DAPK2: variants seen among roughly 807,000 people sequenced by gnomAD.
DAPK2 encodes the protein death associated protein kinase 2.
A neutral mutation model predicts 44.1 loss-of-function variants in DAPK2; 35 were observed. That is an observed-to-expected ratio of 0.79 (90% CI 0.61 to 1.05). DAPK2 has a LOEUF of 1.05. Ranked by LOEUF, DAPK2 falls within the 50% of genes least tolerant of loss-of-function variation. The pLI, the probability that DAPK2 is intolerant of heterozygous loss-of-function variation, is 0.00. For missense variants in DAPK2, 453 were observed against 483.2 expected (o/e 0.94, Z 0.59); for synonymous variants, 174 against 182.6 (o/e 0.95, Z 0.38).
At chr15:64,007,684 C>CT (rs2079272401) in intron 1 of DAPK2, among the ~76,000 whole-genome samples, 1 of 152,186 alleles carries the variant, frequency 6.6e-6, no homozygotes, top group Non-Finnish European at 1.5e-5. Flanking sequence ...GAGAGTCCGA[C>CT]TTTTTTGGCA....
At chr15:63,922,704 T>C (rs1191101449) in intron 8 of DAPK2, 2 of 1,490,674 alleles carry the variant, frequency 1.3e-6, no homozygotes, top group Non-Finnish European at 1.8e-6. Context: ...TGCAAACCTC[T>C]TGGGATGCAT....
chr15:63,923,455 C>A lies in DAPK2; in HGVS notation c.858+1361G>T. 6.8e-7 allele frequency: 1 copy of A among 1,460,842 alleles called. No homozygotes were observed. The highest frequency in any genetic ancestry group is 9.0e-7 in the Non-Finnish European group (1 of 1,110,222). 90.5% of individuals were successfully genotyped at this position (1,460,842 alleles called of 1,614,324 possible). ...AGCGGCCTCTGGCATTCACTGCATG[C>A]GTCAGGCCATGGGGAGAACCAGGGT... On this transcript the variant is annotated intron_variant, in intron 8 of 10. Coordinates refer to ENST00000261891, the Ensembl canonical transcript of DAPK2. The surrounding 1 kb of genome is among the most constrained non-coding windows in gnomAD (Gnocchi z 4.2).
intron 8 of DAPK2, chr15:63,922,715 C>A: frequency 6.7e-7 from 1 of 1,501,182 alleles, no homozygotes; most frequent in Non-Finnish European, 8.9e-7. Context: ...TGGGATGCAT[C>A]ACTGACTGGA....
rs1222662969 is a variant in DAPK2 at position 64,020,581 on chromosome 15, C to G, written c.92+19589G>C. On this transcript the variant is annotated intron_variant, in intron 1 of 10. Coordinates refer to ENST00000261891, the Ensembl canonical transcript of DAPK2. The surrounding 1 kb of genome is among the most constrained non-coding windows in gnomAD (Gnocchi z 4.5). ...CAAAGCAGCACTACTTTGCCCATCT[C>G]CTCTGGGAAGGATTTATAGTTGACA... 6.6e-6 allele frequency among the ~76,000 whole-genome samples: 1 copy of G among 152,202 alleles called. No homozygotes were observed. The highest frequency in any genetic ancestry group is 1.5e-5 in the Non-Finnish European group (1 of 68,030).
At chr15:64,042,718 C>T (rs2080378353), upstream of DAPK2, among the ~76,000 whole-genome samples, 1 of 152,224 alleles carries the variant, frequency 6.6e-6, no homozygotes, top group Admixed American at 6.5e-5. This position sits in a 1 kb window ranked among gnomAD's most constrained non-coding sequence, Gnocchi z 4.7. Flanking sequence ...TATATTCCAG[C>T]CAAAGTTGAC....
chr15:64,017,602 A>G (rs74021233), intron 1 of DAPK2, among the ~76,000 whole-genome samples: 23,039 of 152,224 alleles, frequency 0.15, 1,911 homozygotes, highest in South Asian at 0.35. Flanking sequence ...TGACTCAACT[A>G]TGATGCTGCC....
intron 3 of DAPK2, among the ~76,000 whole-genome samples, chr15:63,956,070 C>T (rs1438813517): frequency 6.6e-6 from 1 of 152,162 alleles, no homozygotes; most frequent in East Asian, 1.9e-4. Flanking sequence ...GGTTGTCCAG[C>T]CTATTGGAAA....
intron 3 of DAPK2, among the ~76,000 whole-genome samples, chr15:63,947,139 T>A (rs1170039478): frequency 6.6e-6 from 1 of 152,092 alleles, no homozygotes; most frequent in Non-Finnish European, 1.5e-5. Flanking sequence ...ACCCTGCAGT[T>A]CACTCTGCTG....
At chr15:63,999,562 TA>T (rs920253426) in intron 1 of DAPK2, among the ~76,000 whole-genome samples, 10 of 152,206 alleles carry the variant, frequency 6.6e-5, no homozygotes, top group African/African-American at 2.4e-4. Context: ...GCTCCATCAG[TA>T]GGGGTCTTTT....
chr15:63,943,119 A>AC (rs983172626), intron 3 of DAPK2, among the ~76,000 whole-genome samples: 2 of 151,242 alleles, frequency 1.3e-5, no homozygotes, highest in Admixed American at 6.6e-5. Flanking sequence ...TTTGCAAAAA[A>AC]AAAAAAAGAA....
At chr15:63,971,369 G>GA in intron 3 of DAPK2, 54 bp downstream of exon 4, 1 of 1,601,658 alleles carries the variant, frequency 6.2e-7, no homozygotes, top group Non-Finnish European at 8.5e-7. Context: ...CACCAGGAGG[G>GA]ACTAAGCCTC....
At chr15:63,925,831 A>G (rs2079241265) in intron 7 of DAPK2, 110 bp downstream of exon 8, 1 of 1,400,360 alleles carries the variant, frequency 7.1e-7, no homozygotes, top group Admixed American at 1.8e-5. Context: ...TTAGACCACA[A>G]CAGTGCAGAT....
chr15:63,964,730 ACT>A (rs2140671116), intron 3 of DAPK2, among the ~76,000 whole-genome samples: 1 of 151,266 alleles, frequency 6.6e-6, no homozygotes, highest in African/African-American at 2.4e-5. Flanking sequence ...CTGCTAACAG[ACT>A]CTGACGCATT....
intron 3 of DAPK2, among the ~76,000 whole-genome samples, chr15:63,941,358 G>A (rs111655285): frequency 2.6e-5 from 4 of 152,136 alleles, no homozygotes; most frequent in African/African-American, 7.2e-5. Flanking sequence ...GCTTTCTCTT[G>A]TCCAGCGGCC....
intron 1 of DAPK2, among the ~76,000 whole-genome samples, chr15:64,018,063 T>C (rs1185310121): frequency 6.6e-6 from 1 of 152,240 alleles, no homozygotes; most frequent in Non-Finnish European, 1.5e-5. Flanking sequence ...AAAAGTCATT[T>C]TTTAAAAACA....
Position 63,965,346 on chromosome 15 carries a change from G to C in DAPK2, c.453+6077C>G, listed in dbSNP as rs113996200. ...CTCTGTACTGACCTGCCTGGGGCTA[G>C]GGGAGGGGGAACACAAGCACTCCTG... On this transcript the variant is annotated intron_variant, in intron 3 of 10. Coordinates refer to ENST00000261891, the Ensembl canonical transcript of DAPK2. Among the ~76,000 whole-genome samples the C allele has an allele frequency of 4.4e-3, 671 of 152,364 alleles. 3 individuals are homozygous for C. Among genetic ancestry groups the C allele is most frequent in the African/African-American group, 0.016 (646 of 41,586 alleles).
chr15:63,912,786 A>G lies in DAPK2; in HGVS notation c.859-589T>C, dbSNP rs1596380938. Among the ~76,000 whole-genome samples the G allele has an allele frequency of 6.6e-6, 1 of 152,138 alleles. No individual in the cohort carries two copies. Among genetic ancestry groups the G allele is most frequent in the Non-Finnish European group, 1.5e-5 (1 of 68,020 alleles). Reference sequence around the variant, plus strand: ...CCATCTGTAATATGGGGATAATAATATCATGTCACAGGGTTGTTAAGGATT... The same window carrying G: ...CCATCTGTAATATGGGGATAATAATGTCATGTCACAGGGTTGTTAAGGATT... On this transcript the variant is annotated intron_variant, in intron 8 of 10. Coordinates refer to ENST00000261891, the Ensembl canonical transcript of DAPK2. This position sits in a 1 kb window ranked among gnomAD's most constrained non-coding sequence, Gnocchi z 4.4.
chr15:63,974,257 A>T (rs1174623294), intron 2 of DAPK2, among the ~76,000 whole-genome samples: 1 of 152,228 alleles, frequency 6.6e-6, no homozygotes, highest in East Asian at 1.9e-4. Flanking sequence ...TAAAATATTT[A>T]AAGATGTTTA....
upstream of DAPK2, among the ~76,000 whole-genome samples, chr15:64,044,817 G>A (rs763246429): frequency 8.5e-5 from 13 of 152,158 alleles, no homozygotes; most frequent in African/African-American, 2.7e-4. Context: ...TGAGTGAAAC[G>A]GGACCACAGC....
Sources: allele counts gnomAD v4.1 joint callset (sites outside exome capture counted in the v4.1 genomes callset), GRCh38; gene constraint gnomAD v4.1.1; non-coding constraint Gnocchi (gnomAD v3.1); transcripts MANE v1.5; gene names NCBI Gene and HGNC (gene_info 2026-07-23, HGNC 2026-07-21).